Variants in LINGO2 observed in about 807,000 individuals in gnomAD.
LINGO2 encodes leucine rich repeat and Ig domain containing 2, also known as leucine-rich repeat and immunoglobulin-like domain-containing nogo receptor-interacting protein 2.
In LINGO2, 14 loss-of-function variants were observed where a neutral mutation model predicts 30.6. The ratio of observed to expected loss-of-function variants is 0.46; its 90% CI spans 0.30 to 0.72. LINGO2 has a LOEUF of 0.72. LINGO2 is among the 30% of genes least tolerant of loss of function. The pLI, the probability that LINGO2 is intolerant of heterozygous loss-of-function variation, is 0.07. For missense variants in LINGO2, 729 were observed against 751.7 expected (o/e 0.97, Z 0.35); for synonymous variants, 317 against 288.5 (o/e 1.10, Z -1.00).
At chr9:28,108,120 T>C (rs1826653318) in intron 4 of LINGO2, among the ~76,000 whole-genome samples, 1 of 152,250 alleles carries the variant, frequency 6.6e-6, no homozygotes, top group African/African-American at 2.4e-5. Flanking sequence ...TCTTAGAGCT[T>C]TCCCTGAATG....
intron 4 of LINGO2, among the ~76,000 whole-genome samples, chr9:28,016,339 C>G (rs12349320): frequency 0.02 from 3,068 of 152,206 alleles, 92 homozygotes; most frequent in African/African-American, 0.07. Context: ...GTCAGGCTAT[C>G]TGAGGTACAA....
chr9:28,876,593 T>C, the LINGO2 span, among the ~76,000 whole-genome samples: 1 of 152,192 alleles, frequency 6.6e-6, no homozygotes, highest in African/African-American at 2.4e-5. Context: ...TCATTTTTTA[T>C]GGCTGCATAG....
At chr9:29,103,031 T>C in the LINGO2 span, among the ~76,000 whole-genome samples, 1 of 152,068 alleles carries the variant, frequency 6.6e-6, no homozygotes, top group Admixed American at 6.6e-5. Flanking sequence ...TCAACAGTAC[T>C]TGAAGAAACA....
At chr9:28,168,509 A>G (rs1290433815) in intron 4 of LINGO2, among the ~76,000 whole-genome samples, 1 of 152,210 alleles carries the variant, frequency 6.6e-6, no homozygotes, top group African/African-American at 2.4e-5. Flanking sequence ...GAGCTAAAGT[A>G]CCTTTCATAA....
intron 5 of LINGO2, among the ~76,000 whole-genome samples, chr9:27,958,281 A>G (rs1268150304): frequency 6.6e-6 from 1 of 152,194 alleles, no homozygotes; most frequent in Non-Finnish European, 1.5e-5. Context: ...CCAACCTCAC[A>G]CTTCTGGGAT....
chr9:28,223,517 G>C (rs919965749), intron 4 of LINGO2, among the ~76,000 whole-genome samples: 2 of 152,132 alleles, frequency 1.3e-5, no homozygotes, highest in African/African-American at 4.8e-5. Context: ...TTTGCAGGGG[G>C]GCATTTGAAA....
chr9:28,051,974 G>C (rs1418357363), intron 4 of LINGO2, among the ~76,000 whole-genome samples: 1 of 152,014 alleles, frequency 6.6e-6, no homozygotes, highest in Non-Finnish European at 1.5e-5. Context: ...TGTAAGCATT[G>C]CCTCAAATTC....
chr9:28,000,935 TCAAA>T (rs1325083243), intron 5 of LINGO2, among the ~76,000 whole-genome samples: 2 of 152,226 alleles, frequency 1.3e-5, no homozygotes, highest in Admixed American at 6.6e-5. Context: ...CAATTCTTAT[TCAAA>T]CAATGTCTAA....
chr9:28,984,213 G>A, the LINGO2 span, among the ~76,000 whole-genome samples: 1 of 152,092 alleles, frequency 6.6e-6, no homozygotes, highest in Non-Finnish European at 1.5e-5. Flanking sequence ...CTCAGCCACA[G>A]GGAAGAATAT....
At chr9:28,880,532 C>T in the LINGO2 span, among the ~76,000 whole-genome samples, 1 of 152,194 alleles carries the variant, frequency 6.6e-6, no homozygotes, top group African/African-American at 2.4e-5. Flanking sequence ...CCGCAGGGAC[C>T]TCTGCCCTTG....
intron 4 of LINGO2, among the ~76,000 whole-genome samples, chr9:28,104,352 C>T (rs1826517422): frequency 7.0e-6 from 1 of 143,194 alleles, no homozygotes; most frequent in Admixed American, 7.4e-5. Context: ...CAGTTATTAC[C>T]TATCTTAGTT....
chr9:28,238,873 C>A (rs538560579), intron 4 of LINGO2, among the ~76,000 whole-genome samples: 9 of 151,038 alleles, frequency 6.0e-5, no homozygotes, highest in African/African-American at 2.2e-4. Context: ...AAAAGATGAA[C>A]AAAATTAACA....
chr9:29,205,939 A>T, the LINGO2 span, among the ~76,000 whole-genome samples: 1 of 152,190 alleles, frequency 6.6e-6, no homozygotes, highest in South Asian at 2.1e-4. Flanking sequence ...TTTAAATTCC[A>T]TAGATATGTT....
At chr9:29,080,623 C>A in the LINGO2 span, among the ~76,000 whole-genome samples, 3 of 152,042 alleles carry the variant, frequency 2.0e-5, no homozygotes, top group African/African-American at 7.2e-5. Flanking sequence ...GAATGTGTCC[C>A]AGAGATTCTG....
At chr9:28,829,693 G>T in the LINGO2 span, among the ~76,000 whole-genome samples, 1 of 152,136 alleles carries the variant, frequency 6.6e-6, no homozygotes, top group Non-Finnish European at 1.5e-5. Context: ...TTCGAGACCA[G>T]CCTGACCAAC....
the LINGO2 span, among the ~76,000 whole-genome samples, chr9:29,144,300 G>A: frequency 5.3e-5 from 8 of 152,072 alleles, no homozygotes; most frequent in East Asian, 1.9e-4. Flanking sequence ...TGTATAGAAC[G>A]TCAGTGGAAG....
the LINGO2 span, among the ~76,000 whole-genome samples, chr9:29,209,467 T>C: frequency 3.3e-4 from 50 of 152,118 alleles, no homozygotes; most frequent in African/African-American, 1.2e-3. Flanking sequence ...TTAGCATGGA[T>C]TTAATTCTGA....
rs1369429432 is a variant in LINGO2 at position 28,242,117 on chromosome 9, G to T, written c.-87+53091C>A. ...CAACAGGGGCCAGAATTGGATGGAG[G>T]ATGAGATGGACAAATTGACAAAAGT... is the stretch of plus-strand genomic sequence containing the variant. On this transcript the variant is annotated intron_variant, in intron 4 of 5. Transcript: ENST00000379992. 3.3e-5 allele frequency among the ~76,000 whole-genome samples: 5 copies of T among 152,310 alleles called. No homozygotes were observed. The South Asian group carries it at 8.3e-4, about 25-fold the overall frequency.
At chr9:28,834,218 G>T in the LINGO2 span, among the ~76,000 whole-genome samples, 1 of 152,082 alleles carries the variant, frequency 6.6e-6, no homozygotes, top group African/African-American at 2.4e-5. Flanking sequence ...ACACTATGTA[G>T]CTGTTTTGGA....
Sources: allele counts gnomAD v4.1 joint callset (sites outside exome capture counted in the v4.1 genomes callset), GRCh38; gene constraint gnomAD v4.1.1; transcripts MANE v1.5; gene names NCBI Gene and HGNC (gene_info 2026-07-23, HGNC 2026-07-21).